Variants in SNX8 observed in about 807,000 individuals in gnomAD.
SNX8 encodes sorting nexin 8.
In SNX8, 25 loss-of-function variants were observed where a neutral mutation model predicts 51.6. That is an observed-to-expected ratio of 0.48 (90% CI 0.35 to 0.68). The LOEUF is 0.68. SNX8 is among the 30% of genes least tolerant of loss of function. The pLI is 0.00. For missense variants in SNX8, 695 were observed against 624.0 expected (o/e 1.11, Z -1.21); for synonymous variants, 324 against 277.0 (o/e 1.17, Z -1.68).
chr7:2,353,457 A>AT (rs1461053902), intron 1 of SNX8, among the ~76,000 whole-genome samples: 1 of 150,150 alleles, frequency 6.7e-6, no homozygotes, highest in African/African-American at 2.4e-5. Context: ...ATTTTATTTT[A>AT]TTTTTTCGAA....
chr7:2,307,617 A>G (rs1796573859), intron 1 of SNX8: 1 of 137,218 alleles, frequency 7.3e-6, no homozygotes, highest in Non-Finnish European at 1.5e-5. Flanking sequence ...GGGCAACAAG[A>G]GCAAAAACTT....
intron 7 of SNX8, among the ~76,000 whole-genome samples, chr7:2,261,883 A>G (rs1795345396): frequency 6.6e-6 from 1 of 152,222 alleles, no homozygotes; most frequent in Admixed American, 6.5e-5. Context: ...TGGGTTCACC[A>G]TTCACCAAGC....
chr7:2,271,777 A>G, intron 4 of SNX8, 73 bp downstream of exon 4: 1 of 1,523,846 alleles, frequency 6.6e-7, no homozygotes, highest in Non-Finnish European at 8.9e-7. Context: ...ACCACACCTG[A>G]GAGAGGAAAA....
chr7:2,289,638 G>A (rs968252065), intron 1 of SNX8, among the ~76,000 whole-genome samples: 9 of 151,858 alleles, frequency 5.9e-5, no homozygotes, highest in South Asian at 2.1e-4. Context: ...TTTTTAATGC[G>A]GTGAGGATAC....
In SNX8 at chr7:2,348,272, C is replaced by T. The variant is rs1165545916; in HGVS notation, c.-66+5950G>A. Among the ~76,000 whole-genome samples, 4 of 150,666 alleles carry T rather than the reference C, an allele frequency of 2.7e-5. No homozygotes were observed. In the South Asian group the frequency reaches 8.3e-4, roughly 31 times the overall value. On this transcript the variant is annotated intron_variant, in intron 1 of 5. Coordinates refer to the SNX8 transcript ENST00000435336. ...TACCTAGCTCCCCCTCTAGCCTGCACGCTCCACCCAGGAAGGACAAGGCAG... is the reference window on the plus strand; with the variant it reads ...TACCTAGCTCCCCCTCTAGCCTGCATGCTCCACCCAGGAAGGACAAGGCAG...
chr7:2,253,099 G>A lies in SNX8; in HGVS notation c.*1957C>T. ...CTCCATCCTCAGCCTCTGGACATGA[G>A]GACCCTGAGACCCTGCTCTTGAAGT... On this transcript the variant is annotated 3_prime_UTR_variant, in exon 11 of 11. Transcript: ENST00000222990. 1 of 155,708 alleles carries A rather than the reference G, an allele frequency of 6.4e-6. No individual in the cohort carries two copies. The highest frequency in any genetic ancestry group is 1.4e-5 in the Non-Finnish European group (1 of 69,160). The allele number at this position is 155,708 out of a possible 1,614,324, so 9.6% of individuals were successfully genotyped here.
chr7:2,353,373 G>A (rs926169679), intron 1 of SNX8, among the ~76,000 whole-genome samples: 5 of 152,108 alleles, frequency 3.3e-5, no homozygotes, highest in African/African-American at 4.8e-5. Flanking sequence ...GCAACAGAGC[G>A]AGACCCTATC....
At position 2,302,636 on chromosome 7, in the gene SNX8, C is replaced by T. The variant is rs552227935; in HGVS notation, c.94+11692G>A. 4.6e-5 allele frequency among the ~76,000 whole-genome samples: 7 copies of T among 151,272 alleles called. No homozygotes were observed. The South Asian group carries it at 1.5e-3, about 31-fold the overall frequency. ...AGTGAGGAGCGTCTCTGCCCAGCTGCCACCCCATCTAGGAAGTGAGGAGCA... is the reference window on the plus strand; with the variant it reads ...AGTGAGGAGCGTCTCTGCCCAGCTGTCACCCCATCTAGGAAGTGAGGAGCA... On this transcript the variant is annotated intron_variant, in intron 1 of 10. Transcript: ENST00000222990.
chr7:2,342,683 T>C (rs868781890), intron 1 of SNX8, among the ~76,000 whole-genome samples: 2 of 150,926 alleles, frequency 1.3e-5, no homozygotes, highest in African/African-American at 2.4e-5. Context: ...AGAATTACAG[T>C]GCATGACAAA....
At chr7:2,263,425 T>C in intron 6 of SNX8, 63 bp from the exon 7 acceptor site, 2 of 1,494,350 alleles carry the variant, frequency 1.3e-6, no homozygotes, top group Non-Finnish European at 1.8e-6. Context: ...GGCAGTCGAG[T>C]CTGGCATCCC....
Position 2,331,164 on chromosome 7 carries a change from G to A in SNX8, c.-66+23058C>T, listed in dbSNP as rs10278383. On this transcript the variant is annotated intron_variant, in intron 1 of 5. Transcript: ENST00000435336. ...TTGCACTACTGCACTCCAGCCTGGC[G>A]ACAGAGCGAGACTCTGTCTCAAAAA... Among the ~76,000 whole-genome samples the A allele has an allele frequency of 2.5e-3, 281 of 114,626 alleles. 1 individual carries two copies. The highest frequency in any genetic ancestry group is 8.3e-3 in the African/African-American group (257 of 31,042). 75.2% of individuals were successfully genotyped at this position (114,626 alleles called of 152,430 possible). A position where few individuals can be genotyped will look rare whatever the true frequency, so the allele number is the denominator to read the frequency against.
At chr7:2,266,007 T>A (rs1009587307) in intron 5 of SNX8, among the ~76,000 whole-genome samples, 5 of 152,284 alleles carry the variant, frequency 3.3e-5, no homozygotes, top group African/African-American at 1.2e-4. Context: ...TCCCAGCTAT[T>A]CTGGGAGGCT....
At chr7:2,319,807 T>A (rs1285909866) in intron 1 of SNX8, among the ~76,000 whole-genome samples, 4 of 111,320 alleles carry the variant, frequency 3.6e-5, no homozygotes, top group African/African-American at 1.1e-4. Flanking sequence ...AGAGCGAGAC[T>A]CCGTCTCAAA....
Position 2,351,655 on chromosome 7 carries a change from A to AC in SNX8, c.-66+2566dup, listed in dbSNP as rs573714190. Among the ~76,000 whole-genome samples the AC allele has an allele frequency of 4.7e-3, 718 of 151,792 alleles. 2 individuals carry two copies. Among genetic ancestry groups the AC allele is most frequent in the Non-Finnish European group, 5.3e-3 (361 of 67,948 alleles). ...AGACCATCCTGACTAACAGGATGAA[A>AC]CCCGTCTCTACTAAAAATACAAAAA... On this transcript the variant is annotated intron_variant, in intron 1 of 5. Transcript: ENST00000435336.
rs566437282 is a variant in SNX8, at chr7:2,335,760, G to A, written c.-66+18462C>T. On this transcript the variant is annotated intron_variant, in intron 1 of 5. Transcript: ENST00000435336. ...GGAGCTTGCGGTGAGCCGAGACCGC[G>A]GCACTGCACTCCAGCCTGGGCGACA... Among the ~76,000 whole-genome samples the A allele has an allele frequency of 2.0e-4, 27 of 137,970 alleles. No individual in the cohort carries two copies. The South Asian group carries it at 4.7e-3, about 24-fold the overall frequency. 90.5% of individuals were successfully genotyped at this position (137,970 alleles called of 152,430 possible).
chr7:2,316,780 TCCAC>T (rs1275278165), upstream of SNX8, among the ~76,000 whole-genome samples: 2 of 152,108 alleles, frequency 1.3e-5, no homozygotes, highest in Non-Finnish European at 2.9e-5. Flanking sequence ...CCTGCATTCA[TCCAC>T]CCACCCACTC....
rs185431433 is a variant in SNX8 at position 2,254,243 on chromosome 7, C to T, written c.*813G>A. 132 of 153,018 alleles carry T rather than the reference C, an allele frequency of 8.6e-4. No individual in the cohort carries two copies. Among genetic ancestry groups the T allele is most frequent in the Non-Finnish European group, 1.6e-3 (107 of 68,650 alleles). The allele number at this position is 153,018 out of a possible 1,614,324, so 9.5% of individuals were successfully genotyped here. On this transcript the variant is annotated 3_prime_UTR_variant, in exon 11 of 11. Transcript: ENST00000222990. The stretch of plus-strand genomic sequence containing the variant: ...AGCTGGAATGGAACACGCCCCCCCA[C>T]GCCCCCACCTGTCCTCTGCCAGCCC...
At chr7:2,273,165 T>TA (rs1795688248) in intron 3 of SNX8, among the ~76,000 whole-genome samples, 1 of 151,816 alleles carries the variant, frequency 6.6e-6, no homozygotes, top group Non-Finnish European at 1.5e-5. Flanking sequence ...TATTAAGAAA[T>TA]ACAGCCAGGA....
In SNX8 at chr7:2,292,443, G is replaced by C. The variant is rs185786644; in HGVS notation, c.95-14138C>G. ...TTTTTTTTTTTTAAGACGGAGTCTTGCTCTGTCGCCCAGGCTGTAGTGCAG... is the reference window on the plus strand; with the variant it reads ...TTTTTTTTTTTTAAGACGGAGTCTTCCTCTGTCGCCCAGGCTGTAGTGCAG... On this transcript the variant is annotated intron_variant, in intron 1 of 10. Transcript: ENST00000222990. Among the ~76,000 whole-genome samples, 967 of 148,602 alleles carry C rather than the reference G, an allele frequency of 6.5e-3. 13 individuals are homozygous for C. Among genetic ancestry groups the C allele is most frequent in the African/African-American group, 0.023 (907 of 40,298 alleles).
Sources: gnomAD v4.1 joint callset for allele counts (sites outside exome capture counted in the v4.1 genomes callset) on GRCh38, gnomAD v4.1.1 for gene constraint, MANE v1.5 for transcripts, NCBI Gene and HGNC (gene_info 2026-07-23, HGNC 2026-07-21) for gene names.